NOP9: variants seen among roughly 807,000 people sequenced by gnomAD.
NOP9 encodes NOP9 nucleolar protein, also known as nucleolar protein 9.
Under a neutral mutation model 63.0 loss-of-function variants are expected in NOP9, and 50 were observed. That is an observed-to-expected ratio of 0.79 (90% CI 0.63 to 1.00). The LOEUF is 1.00. Ranked by LOEUF, NOP9 falls within the 50% of genes least tolerant of loss-of-function variation. The pLI, the probability that NOP9 is intolerant of heterozygous loss-of-function variation, is 0.00. For synonymous variants in NOP9, 343 were observed against 332.8 expected, an observed-to-expected ratio of 1.03 and a Z score of -0.33; for missense variants, 758 against 803.0, an observed-to-expected ratio of 0.94 and a Z score of 0.68.
At position 24,303,114 on chromosome 14, in the gene NOP9, C is replaced by T. The variant is rs763453459; in HGVS notation, c.1184C>T (p.Ala395Val). The T allele has an allele frequency of 1.8e-5, 29 of 1,594,234 alleles. No individual in the cohort carries two copies. In the Admixed American group the frequency reaches 4.9e-4, roughly 27 times the overall value. ...GAGGAGCTGAGCCCTGTCTTGGAAG[C>T]TGTATTGGCCCAGGGCCACCCAGGG... ...VFEELSPVLEAVLAQGHPGVV... is the reference protein window; with the variant it reads ...VFEELSPVLEVVLAQGHPGVV... Residue 395 changes from alanine to valine, a missense_variant, in exon 6 of 10, where the codon GCT becomes GTT. By Grantham distance (64) the Ala-to-Val change is moderately conservative (BLOSUM62 0). Transcript: ENST00000267425.
Position 24,302,405 on chromosome 14 carries a change from C to T in NOP9, c.1124C>T (p.Ala375Val). The T allele has an allele frequency of 1.2e-6, 2 of 1,611,732 alleles. No individual in the cohort carries two copies. Among genetic ancestry groups the T allele is most frequent in the Non-Finnish European group, 1.7e-6 (2 of 1,178,394 alleles). The change falls in exon 5 of 10, where the codon GCA becomes GTA. Residue 375 changes from alanine (A) to valine (V), a missense_variant. Ala to Val is a moderately conservative substitution (Grantham distance 64). Coordinates refer to ENST00000267425, the MANE Select transcript of NOP9 (RefSeq NM_174913.3). Reference protein sequence around the residue: ...ANFPLQRLLDAVTTPELLSPV... With the variant: ...ANFPLQRLLDVVTTPELLSPV... ...TTCCCTTTGCAGCGCTTACTGGATG[C>T]AGTCACTACCCCTGAGCTGGTGAGT...
chr14:24,300,722 G>A lies in NOP9; in HGVS notation c.562G>A (p.Ala188Thr). The stretch of plus-strand genomic sequence containing the variant: ...GGAGGAGCTGGTCCTGGGACTAGCC[G>A]CTGAGGTGTGTGATGATTTTCTTGT... ...TLEELVLGLA[A>T]EVCDDFLVYC... Residue 188 changes from alanine (A) to threonine (T), a missense_variant, in exon 2 of 10, where the codon GCT (alanine) becomes ACT (threonine). Physicochemically the swap from Ala to Thr is moderately conservative, Grantham distance 58 (BLOSUM62 0). Coordinates refer to ENST00000267425, the MANE Select transcript of NOP9 (RefSeq NM_174913.3). 1.2e-6 allele frequency: 2 copies of A among 1,614,176 alleles called. No homozygotes were observed. Among genetic ancestry groups the A allele is most frequent in the Non-Finnish European group, 1.7e-6 (2 of 1,180,022 alleles).
rs149772945 is a variant in NOP9 at position 24,299,901 on chromosome 14, A to G, written c.-54A>G. The G allele has an allele frequency of 4.9e-4, 733 of 1,501,252 alleles. 6 individuals are homozygous for G. In the African/African-American group the frequency reaches 9.4e-3, roughly 19 times the overall value. The allele number at this position is 1,501,252 out of a possible 1,614,324, so 93.0% of individuals were successfully genotyped here. On this transcript the variant is annotated 5_prime_UTR_variant, in exon 1 of 10. Transcript: ENST00000267425. Reference sequence around the variant, plus strand: ...TAAGGCGCACGCTTGGCGACGTCGAAGGTCCGTCCGCAGTTAAGGAAGCTT... The same window carrying G: ...TAAGGCGCACGCTTGGCGACGTCGAGGGTCCGTCCGCAGTTAAGGAAGCTT...
the NOP9 span, chr14:24,292,852 GC>G: frequency 6.5e-7 from 1 of 1,537,530 alleles, no homozygotes; most frequent in Non-Finnish European, 8.7e-7. Flanking sequence ...ACAGCCTCTG[GC>G]GGCTTCCCCT....
chr14:24,287,072 T>C, the NOP9 span, among the ~76,000 whole-genome samples: 1 of 152,068 alleles, frequency 6.6e-6, no homozygotes, highest in Admixed American at 6.6e-5. Flanking sequence ...GTATTTTTAG[T>C]GCAGATGGGG....
Position 24,303,172 on chromosome 14 carries a change from A to C in NOP9, c.1242A>C (p.Arg414Ser), listed in dbSNP as rs2041408033. The C allele has an allele frequency of 6.2e-7, 1 of 1,613,898 alleles. No individual in the cohort carries two copies. The highest frequency in any genetic ancestry group is 8.5e-7 in the Non-Finnish European group (1 of 1,179,988). ...VVIALVGACR[R>S]VGAYQAKVLQ... is the part of the protein sequence containing the mutation. ...TTGCCCTGGTGGGGGCCTGTCGCAG[A>C]GTTGGGGCCTACCAAGCCAAGGTCC... Residue 414 changes from arginine (R) to serine (S), a missense_variant, in exon 6 of 10, where the codon AGA (arginine) becomes AGC (serine). Arg to Ser is a moderately radical substitution (Grantham distance 110). Coordinates refer to ENST00000267425, the MANE Select transcript of NOP9 (RefSeq NM_174913.3).
chr14:24,300,862 G>A lies in NOP9; in HGVS notation c.697+5G>A, dbSNP rs1175782651. ...CCCGTGGTTCCCAATCATCTGGTAA[G>A]TATTACAAGAGGAAAGTGGACCTAG... On this transcript the variant is annotated splice_donor_5th_base_variant and intron_variant, in intron 2 of 9. Coordinates refer to ENST00000267425, the MANE Select transcript of NOP9 (RefSeq NM_174913.3). 6.2e-7 allele frequency: 1 copy of A among 1,603,178 alleles called. No individual in the cohort carries two copies. Among genetic ancestry groups the A allele is most frequent in the African/African-American group, 1.3e-5 (1 of 74,474 alleles).
rs751206496 is a variant in NOP9, at chr14:24,304,264, T to A, written c.1634T>A (p.Leu545Gln). The change falls in exon 8 of 10, where the codon CTG (leucine) becomes CAG (glutamine). Residue 545 changes from leucine (L) to glutamine (Q), a missense_variant. Leu to Gln is a moderately radical substitution (Grantham distance 113). Coordinates refer to ENST00000267425, the MANE Select transcript of NOP9 (RefSeq NM_174913.3). ...ACGCGCAAGCTGCGCCGCCGTGTGC[T>A]GCAGAACCTAAAGGTTAGATTTCTG... ...SVTRKLRRRV[L>Q]QNLKGQYVAL... 1.2e-5 allele frequency: 19 copies of A among 1,613,768 alleles called. No homozygotes were observed. In the Middle Eastern group the frequency reaches 6.6e-4, roughly 56 times the overall value.
the NOP9 span, among the ~76,000 whole-genome samples, chr14:24,281,490 G>T: frequency 6.6e-6 from 1 of 152,188 alleles, no homozygotes; most frequent in Admixed American, 6.5e-5. Context: ...GGGGATGAAG[G>T]GTTCAAGACC....
chr14:24,281,526 A>G, the NOP9 span, among the ~76,000 whole-genome samples: 3 of 152,208 alleles, frequency 2.0e-5, no homozygotes, highest in African/African-American at 7.2e-5. Context: ...GGAAGGAGTC[A>G]TCCTTATCCA....
At chr14:24,304,903 A>G in intron 9 of NOP9, 35 bp from the exon 10 acceptor site, 1 of 1,497,470 alleles carries the variant, frequency 6.7e-7, no homozygotes, top group Non-Finnish European at 8.9e-7. Context: ...GTCTTTGAGC[A>G]TGGTAGTACT....
At chr14:24,304,887 G>C (rs1024837441) in intron 9 of NOP9, 51 bp from the exon 10 acceptor site, 2 of 1,485,842 alleles carry the variant, frequency 1.3e-6, no homozygotes. Context: ...ACGTCAAGTA[G>C]AGTCTGTCTT....
At chr14:24,282,720 A>G in the NOP9 span, among the ~76,000 whole-genome samples, 2 of 152,138 alleles carry the variant, frequency 1.3e-5, no homozygotes, top group African/African-American at 4.8e-5. Flanking sequence ...CCCTTTGCCT[A>G]CTTCCCAGCA....
the NOP9 span, chr14:24,271,216 G>A: frequency 5.0e-6 from 7 of 1,386,910 alleles, no homozygotes; most frequent in African/African-American, 5.8e-5. Flanking sequence ...TACTAGCTCC[G>A]CCCACAGCTG....
upstream of NOP9, chr14:24,298,784 A>C: frequency 1.1e-6 from 1 of 929,244 alleles, no homozygotes; most frequent in Non-Finnish European, 1.5e-6. Flanking sequence ...TTGGCGGCAA[A>C]ATTCTACCTT....
At chr14:24,285,265 A>T in the NOP9 span, among the ~76,000 whole-genome samples, 18 of 152,156 alleles carry the variant, frequency 1.2e-4, 1 homozygote, top group Admixed American at 1.2e-3. Context: ...GGTCTCTTCT[A>T]GGCATTCACA....
At chr14:24,288,296 A>C in the NOP9 span, among the ~76,000 whole-genome samples, 3 of 152,266 alleles carry the variant, frequency 2.0e-5, no homozygotes, top group South Asian at 2.1e-4. Context: ...TGAAGCCAAG[A>C]ATGGTGCCTG....
At chr14:24,291,104 G>A in the NOP9 span, 29 of 1,613,510 alleles carry the variant, frequency 1.8e-5, no homozygotes, top group Non-Finnish European at 2.4e-5. Flanking sequence ...AGAGGGAACA[G>A]CAGTCAAGGC....
rs2041453264 is a variant in NOP9 at position 24,304,942 on chromosome 14, G to A, written c.1758G>A (p.Glu586=). 2 of 1,534,936 alleles carry A rather than the reference G, an allele frequency of 1.3e-6. No individual in the cohort carries two copies. The highest frequency in any genetic ancestry group is 2.2e-5 in the Admixed American group (1 of 45,548). ...ARKEIAAELG[E]QNQELIRDPF... ...CATGAGTGGTTCCCTTTGCAGGGGA[G>A]CAGAACCAGGAGCTGATAAGAGACC... Residue 586 remains glutamate (E), a synonymous_variant, in exon 10 of 10, where the codon GAG becomes GAA. Transcript: ENST00000267425.
Sources: allele counts gnomAD v4.1 joint callset (sites outside exome capture counted in the v4.1 genomes callset), GRCh38; gene constraint gnomAD v4.1.1; transcripts MANE v1.5; gene names NCBI Gene and HGNC (gene_info 2026-07-23, HGNC 2026-07-21).